ZNF91: variants seen among roughly 807,000 people sequenced by gnomAD.
The protein encoded by ZNF91 is zinc finger protein 91 (HPF7, HTF10).
Under a neutral mutation model 12.6 loss-of-function variants are expected in ZNF91, and 7 were observed. That is an observed-to-expected ratio of 0.55 (90% confidence interval 0.31 to 1.04). The LOEUF is 1.04. Among genes scored for constraint, ZNF91 ranks in the 50% least tolerant of loss-of-function variants. The probability of loss-of-function intolerance (pLI) is 0.05; values close to 1 mark genes in which losing one functional copy is unlikely to be tolerated. For synonymous variants in ZNF91, 453 were observed against 462.6 expected, an observed-to-expected ratio of 0.98 and a Z score of 0.27; for missense variants, 1,217 against 1,385.4, an observed-to-expected ratio of 0.88 and a Z score of 1.93.
At chr19:23,376,646 C>T (rs1038900409) in intron 1 of ZNF91, among the ~76,000 whole-genome samples, 1 of 152,122 alleles carries the variant, frequency 6.6e-6, no homozygotes, top group African/African-American at 2.4e-5. Flanking sequence ...GCCTCGGCCT[C>T]CCAAAGTGCT....
At chr19:23,349,397 CAG>C in intron 3 of ZNF91, among the ~76,000 whole-genome samples, 1 of 152,150 alleles carries the variant, frequency 6.6e-6, no homozygotes, top group East Asian at 1.9e-4. Flanking sequence ...TTAGGGAAAA[CAG>C]AAAATAACCT....
chr19:23,362,068 C>G lies in ZNF91; in HGVS notation c.911G>C (p.Ser304Thr). The G allele has an allele frequency of 6.3e-7, 1 of 1,583,816 alleles. No homozygotes were observed. Among genetic ancestry groups the G allele is most frequent in the South Asian group, 1.1e-5 (1 of 89,530 alleles). Residue 304 changes from serine to threonine, a missense_variant, in exon 4 of 4, where the codon AGC (serine) becomes ACC (threonine). Physicochemically the swap from Ser to Thr is moderately conservative, Grantham distance 58. This residue lies in a region of ZNF91 where 726 missense variants were observed against 895.5 expected (regional missense o/e 0.81). Coordinates refer to ENST00000300619, the MANE Select transcript of ZNF91 (RefSeq NM_003430.4). Reference protein sequence around the residue: ...YKCEECGKAFSHSSTLAKHKR... With the variant: ...YKCEECGKAFTHSSTLAKHKR... ...ATGTTTAGCAAGGGTTGAAGAATGG[C>G]TAAAAGCTTTGCCACATTCTTCACA...
At position 23,371,001 on chromosome 19, in the gene ZNF91, C is replaced by T. The variant is rs1969254115; in HGVS notation, c.253+2741G>A. Among the ~76,000 whole-genome samples, 3 of 151,936 alleles carry T rather than the reference C, an allele frequency of 2.0e-5. No homozygotes were observed. The South Asian group carries it at 6.2e-4, about 32-fold the overall frequency. ...CATTAAACACATGGTGAAAATAATG[C>T]TATTTCAAAGGCTACTCACTTACAC... On this transcript the variant is annotated intron_variant, in intron 3 of 3. Transcript: ENST00000300619.
chr19:23,374,679 C>T lies in ZNF91; in HGVS notation c.116G>A (p.Arg39Lys). 6.2e-7 allele frequency: 1 copy of T among 1,612,056 alleles called. No individual in the cohort carries two copies. Among genetic ancestry groups the T allele is most frequent in the East Asian group, 2.2e-5 (1 of 44,794 alleles). ...CLDTAQQNLY[R>K]NVMLENYRNL... Reference sequence around the variant, plus strand: ...TCTGTAGTTCTCTAACATCACATTCCTATATAAATTCTGCTGTGCAGTGTC... The same window carrying T: ...TCTGTAGTTCTCTAACATCACATTCTTATATAAATTCTGCTGTGCAGTGTC... Residue 39 changes from arginine (R) to lysine (K), a missense_variant, in exon 2 of 4, where the codon AGG becomes AAG. By Grantham distance (26) the Arg-to-Lys change is conservative. Around this residue, in one of 2 missense-constraint regions of ZNF91, gnomAD observed 726 missense variants for 895.5 expected, o/e 0.81. Coordinates refer to ENST00000300619, the MANE Select transcript of ZNF91 (RefSeq NM_003430.4).
chr19:23,322,438 AT>A, intron 1 of ZNF91, among the ~76,000 whole-genome samples: 1 of 152,252 alleles, frequency 6.6e-6, no homozygotes, highest in East Asian at 1.9e-4. Flanking sequence ...ATGGTGACAT[AT>A]GTCTGGATCC....
At position 23,358,852 on chromosome 19, in the gene ZNF91, C is replaced by T; in HGVS notation, c.*551G>A. The T allele has an allele frequency of 5.9e-6, 1 of 170,814 alleles. No homozygotes were observed. 10.6% of individuals were successfully genotyped at this position (170,814 alleles called of 1,614,324 possible). Reference sequence around the variant, plus strand: ...TGACTTGTCAAAAGCGTTGGCACATCTTTCAGGTTTGTAGAGTTTCTCTCC... The same window carrying T: ...TGACTTGTCAAAAGCGTTGGCACATTTTTCAGGTTTGTAGAGTTTCTCTCC... On this transcript the variant is annotated 3_prime_UTR_variant, in exon 4 of 4. Transcript: ENST00000300619.
intron 3 of ZNF91, among the ~76,000 whole-genome samples, chr19:23,350,467 A>T (rs1968334839): frequency 6.6e-6 from 1 of 152,196 alleles, no homozygotes; most frequent in Non-Finnish European, 1.5e-5. Flanking sequence ...TGCTACAATG[A>T]CACGATGGAT....
chr19:23,331,485 T>C (rs1967927145), intron 1 of ZNF91, among the ~76,000 whole-genome samples: 1 of 152,220 alleles, frequency 6.6e-6, no homozygotes, highest in African/African-American at 2.4e-5. Flanking sequence ...GGATATATGC[T>C]GTAAAATTAC....
chr19:23,366,046 CACT>C (rs1356357391), intron 3 of ZNF91, among the ~76,000 whole-genome samples: 3 of 152,378 alleles, frequency 2.0e-5, no homozygotes, highest in East Asian at 1.9e-4. Flanking sequence ...ACAAAACCAC[CACT>C]GTCATCATGG....
At chr19:23,365,319 A>G (rs1323606615) in intron 3 of ZNF91, among the ~76,000 whole-genome samples, 1 of 151,090 alleles carries the variant, frequency 6.6e-6, no homozygotes, top group Non-Finnish European at 1.5e-5. Flanking sequence ...AAAATGCTAC[A>G]TGGTGTCCAG....
chr19:23,332,285 G>A (rs577526068), intron 1 of ZNF91, among the ~76,000 whole-genome samples: 3 of 152,216 alleles, frequency 2.0e-5, no homozygotes, highest in East Asian at 1.9e-4. Context: ...CACCATGATG[G>A]CAGTAAGAGC....
At chr19:23,342,209 AG>A in intron 3 of ZNF91, 1 of 561,708 alleles carries the variant, frequency 1.8e-6, no homozygotes, top group South Asian at 2.3e-5. Flanking sequence ...TTCACATTCC[AG>A]GGCTCTTTTA....
intron 3 of ZNF91, 143 bp downstream of exon 3, chr19:23,373,599 A>G (rs569045010): frequency 1.0e-4 from 54 of 541,336 alleles, no homozygotes; most frequent in Non-Finnish European, 1.6e-4. Context: ...AACAGAAGTG[A>G]TAGCATAATT....
At chr19:23,369,665 A>C (rs1969188892) in intron 3 of ZNF91, among the ~76,000 whole-genome samples, 1 of 152,084 alleles carries the variant, frequency 6.6e-6, no homozygotes, top group African/African-American at 2.4e-5. Flanking sequence ...TACTAAGAAA[A>C]ATTCTTCTGC....
At chr19:23,385,855 C>T (rs8102750) in intron 1 of ZNF91, among the ~76,000 whole-genome samples, 45,482 of 151,860 alleles carry the variant, frequency 0.3, 7,272 homozygotes, top group African/African-American at 0.41. Context: ...ATTATATCTA[C>T]ATTGCAAAAT....
intron 1 of ZNF91, among the ~76,000 whole-genome samples, chr19:23,393,974 G>T (rs1282568870): frequency 1.3e-5 from 2 of 152,090 alleles, no homozygotes; most frequent in East Asian, 3.9e-4. Context: ...CTCCAGCCTG[G>T]GTGACAGAGC....
intron 1 of ZNF91, among the ~76,000 whole-genome samples, chr19:23,318,409 T>C (rs1967614586): frequency 6.6e-6 from 1 of 152,130 alleles, no homozygotes; most frequent in Non-Finnish European, 1.5e-5. Context: ...TTGATGTGAC[T>C]CTTCTATTCT....
At chr19:23,345,309 A>C (rs906035619) in intron 3 of ZNF91, among the ~76,000 whole-genome samples, 2 of 152,134 alleles carry the variant, frequency 1.3e-5, no homozygotes, top group Admixed American at 6.5e-5. Flanking sequence ...CTCATAAAAA[A>C]ACCTACAAAC....
In ZNF91 at chr19:23,360,327, A is replaced by C; in HGVS notation, c.2652T>G (p.Ser884Arg). 1 of 1,613,538 alleles carries C rather than the reference A, an allele frequency of 6.2e-7. No individual in the cohort carries two copies. Among genetic ancestry groups the C allele is most frequent in the Non-Finnish European group, 8.5e-7 (1 of 1,179,880 alleles). The change falls in exon 4 of 4, where the codon AGT becomes AGG. Residue 884 changes from serine (S) to arginine (R), a missense_variant. Transcript: ENST00000300619. ...AGATAAATGCTTTGTCACATTCTTC[A>C]CTCTTGGAAGGTTTCTCTTTAGTAT... The part of the protein sequence containing the change: ...IIHTKEKPSK[S>R]EECDKAFIWS...
Sources: allele counts gnomAD v4.1 joint callset (sites outside exome capture counted in the v4.1 genomes callset), GRCh38; gene constraint gnomAD v4.1.1; regional missense constraint gnomAD v4.1.1; transcripts MANE v1.5; gene names NCBI Gene and HGNC (gene_info 2026-07-23, HGNC 2026-07-21).